AOPEP: variants seen among roughly 807,000 people sequenced by gnomAD.
AOPEP encodes the protein aminopeptidase O.
In AOPEP, 77 loss-of-function variants were observed where a neutral mutation model predicts 98.1. That is an observed-to-expected ratio of 0.78 (90% CI 0.65 to 0.95). The LOEUF is 0.95. Among genes scored for constraint, AOPEP ranks in the 40% least tolerant of loss-of-function variants. The probability of loss-of-function intolerance (pLI) is 0.00; values close to 1 mark genes in which losing one functional copy is unlikely to be tolerated. For synonymous variants in AOPEP, 346 were observed against 365.3 expected (o/e 0.95, Z 0.60); for missense variants, 1,024 against 1,024.7 (o/e 1.00, Z 0.01).
At chr9:94,799,975 T>C (rs1407096070) in intron 4 of AOPEP, among the ~76,000 whole-genome samples, 2 of 152,280 alleles carry the variant, frequency 1.3e-5, no homozygotes, top group Middle Eastern at 3.4e-3. Context: ...TAGGTTTGAG[T>C]AGATAAGTTC....
At chr9:94,916,473 G>A (rs947483144) in intron 5 of AOPEP, among the ~76,000 whole-genome samples, 13 of 152,114 alleles carry the variant, frequency 8.5e-5, no homozygotes, top group African/African-American at 3.1e-4. Context: ...GGGAGGCCGA[G>A]GCGGGCAGAC....
At chr9:94,790,685 C>T (rs562487995) in intron 3 of AOPEP, among the ~76,000 whole-genome samples, 16 of 152,182 alleles carry the variant, frequency 1.1e-4, no homozygotes, top group African/African-American at 3.4e-4. Flanking sequence ...TCCTACCTTC[C>T]TGAGTTCAGA....
intron 13 of AOPEP, among the ~76,000 whole-genome samples, chr9:95,026,187 G>GTA (rs1336523404): frequency 1.3e-5 from 2 of 152,230 alleles, no homozygotes; most frequent in South Asian, 2.1e-4. Flanking sequence ...TTCTTTCTGT[G>GTA]TATATATATG....
intron 1 of AOPEP, among the ~76,000 whole-genome samples, chr9:94,735,352 C>T (rs1336122107): frequency 2.0e-5 from 3 of 152,182 alleles, no homozygotes; most frequent in Non-Finnish European, 2.9e-5. Flanking sequence ...TCGCAAGTAG[C>T]TGGGACTACA....
At chr9:94,739,713 G>A (rs1175333196) in intron 1 of AOPEP, among the ~76,000 whole-genome samples, 6 of 151,532 alleles carry the variant, frequency 4.0e-5, no homozygotes, top group African/African-American at 1.2e-4. Context: ...AATAGTAACC[G>A]CTAAGATGTA....
chr9:94,796,105 GA>G (rs1486693438), intron 4 of AOPEP, among the ~76,000 whole-genome samples: 1 of 152,168 alleles, frequency 6.6e-6, no homozygotes, highest in Admixed American at 6.5e-5. Flanking sequence ...TGTGCAAGCA[GA>G]TTCAAAAGAG....
intron 3 of AOPEP, among the ~76,000 whole-genome samples, chr9:94,787,080 A>G (rs1413963200): frequency 6.6e-6 from 1 of 152,204 alleles, no homozygotes; most frequent in Non-Finnish European, 1.5e-5. Flanking sequence ...AAAACCAATT[A>G]TTTTATTTCC....
At chr9:94,955,060 G>A (rs2137959514) in intron 7 of AOPEP, 117 bp from the exon 8 acceptor site, 12 of 596,280 alleles carry the variant, frequency 2.0e-5, no homozygotes, top group Non-Finnish European at 3.0e-5. Flanking sequence ...ACCTGGTACT[G>A]TTGAATAGAA....
intron 1 of AOPEP, among the ~76,000 whole-genome samples, chr9:94,733,417 C>A (rs1831025229): frequency 1.3e-5 from 2 of 152,048 alleles, no homozygotes; most frequent in Non-Finnish European, 2.9e-5. Flanking sequence ...TAGTCATTTT[C>A]TTATGATGGT....
chr9:94,841,317 G>A (rs552909795), intron 5 of AOPEP, among the ~76,000 whole-genome samples: 11 of 152,160 alleles, frequency 7.2e-5, no homozygotes, highest in African/African-American at 9.6e-5. Context: ...GACTACAGGC[G>A]TGTGCCACGA....
chr9:94,827,420 T>G (rs1003334135), intron 5 of AOPEP, among the ~76,000 whole-genome samples: 136 of 152,212 alleles, frequency 8.9e-4, no homozygotes, highest in African/African-American at 3.1e-3. Flanking sequence ...AGCCACCAGA[T>G]AGTTTCTTAG....
intron 1 of AOPEP, among the ~76,000 whole-genome samples, chr9:94,752,412 G>C (rs1271901544): frequency 6.6e-6 from 1 of 151,618 alleles, no homozygotes; most frequent in African/African-American, 2.4e-5. Context: ...CAGGGAGAAA[G>C]AACACATACG....
intron 5 of AOPEP, among the ~76,000 whole-genome samples, chr9:94,907,842 G>C (rs998165246): frequency 6.6e-6 from 1 of 152,204 alleles, no homozygotes; most frequent in African/African-American, 2.4e-5. Flanking sequence ...TTAAGGGCAA[G>C]ATTAGTCCCC....
At chr9:94,958,402 T>C (rs968573573) in intron 9 of AOPEP, among the ~76,000 whole-genome samples, 8 of 152,252 alleles carry the variant, frequency 5.3e-5, no homozygotes, top group Admixed American at 2.6e-4. Context: ...TTTCAGTATA[T>C]ACCCAGAAGT....
At chr9:94,928,609 C>A in intron 7 of AOPEP, 78 bp downstream of exon 7, 2 of 980,040 alleles carry the variant, frequency 2.0e-6, no homozygotes, top group Non-Finnish European at 3.1e-6. Context: ...CAACTGATGA[C>A]ATCTGCTGTG....
intron 5 of AOPEP, among the ~76,000 whole-genome samples, chr9:94,923,772 C>T (rs1312499684): frequency 6.6e-6 from 1 of 152,090 alleles, no homozygotes; most frequent in African/African-American, 2.4e-5. Flanking sequence ...ATGGAGAAAA[C>T]TGGTTGGCAG....
At chr9:95,116,133 A>G in the AOPEP span, among the ~76,000 whole-genome samples, 4 of 152,228 alleles carry the variant, frequency 2.6e-5, no homozygotes, top group African/African-American at 9.6e-5. Context: ...CCCATGCACC[A>G]CCTCACCGTT....
intron 14 of AOPEP, among the ~76,000 whole-genome samples, chr9:95,067,670 C>CT (rs543215494): frequency 1.6e-3 from 238 of 152,324 alleles, no homozygotes; most frequent in African/African-American, 5.4e-3. Flanking sequence ...TGAGGGGTAA[C>CT]TGTTTTTAGT....
At chr9:95,135,387 A>G in the AOPEP span, 1 of 1,614,100 alleles carries the variant, frequency 6.2e-7, no homozygotes, top group South Asian at 1.1e-5. Flanking sequence ...CTTCTCAGAC[A>G]ATTTCTCTCA....
Sources: gnomAD v4.1 joint callset for allele counts (sites outside exome capture counted in the v4.1 genomes callset) on GRCh38, gnomAD v4.1.1 for gene constraint, MANE v1.5 for transcripts, NCBI Gene and HGNC (gene_info 2026-07-23, HGNC 2026-07-21) for gene names.